Variants in PSD3 observed in about 807,000 individuals in gnomAD.
PSD3 encodes PH and SEC7 domain-containing protein 3.
In PSD3, 49 loss-of-function variants were observed where a neutral mutation model predicts 105.5. That is an observed-to-expected ratio of 0.46 (90% CI 0.37 to 0.59). PSD3 has a LOEUF of 0.59. Among genes scored for constraint, PSD3 ranks in the 20% least tolerant of loss-of-function variants. The pLI, the probability that PSD3 is intolerant of heterozygous loss-of-function variation, is 0.00. For missense variants in PSD3, 1,561 were observed against 1,263.8 expected, an observed-to-expected ratio of 1.24 and a Z score of -3.57; for synonymous variants, 557 against 457.8, an observed-to-expected ratio of 1.22 and a Z score of -2.77.
At position 18,559,235 on chromosome 8, in the gene PSD3, C is replaced by T. The variant is rs1190463473; in HGVS notation, c.2785-2883G>A. Reference sequence around the variant, plus strand: ...TTTTTATCTGTTTACATTTCCACAGCAGGTCTGAAAGTTCTCTTTGTTTTA... The same window carrying T: ...TTTTTATCTGTTTACATTTCCACAGTAGGTCTGAAAGTTCTCTTTGTTTTA... On this transcript the variant is annotated intron_variant, in intron 14 of 15. Transcript: ENST00000327040. Among the ~76,000 whole-genome samples the T allele has an allele frequency of 7.2e-5, 11 of 152,176 alleles. No homozygotes were observed. The East Asian group carries it at 1.9e-3, about 27-fold the overall frequency.
intron 1 of PSD3, among the ~76,000 whole-genome samples, chr8:19,033,512 C>A (rs1827840148): frequency 6.8e-6 from 1 of 148,122 alleles, no homozygotes; most frequent in South Asian, 2.1e-4. Flanking sequence ...TTTAAAACGT[C>A]TCTTCCTTCC....
At chr8:18,667,683 C>G (rs376775225) in intron 9 of PSD3, among the ~76,000 whole-genome samples, 115 of 152,362 alleles carry the variant, frequency 7.5e-4, no homozygotes, top group Middle Eastern at 3.4e-3. Flanking sequence ...TGCCTGCACT[C>G]CTCAGCCCTT....
chr8:18,689,447 T>G (rs1304238482), intron 9 of PSD3, among the ~76,000 whole-genome samples: 1 of 152,040 alleles, frequency 6.6e-6, no homozygotes, highest in Non-Finnish European at 1.5e-5. Context: ...AGGTATGAAC[T>G]CTGGAGAAAA....
At chr8:18,969,790 G>T (rs1282085707) in intron 1 of PSD3, among the ~76,000 whole-genome samples, 1 of 152,054 alleles carries the variant, frequency 6.6e-6, no homozygotes, top group Non-Finnish European at 1.5e-5. Flanking sequence ...GTCACGAGGA[G>T]CAAATATTTA....
In PSD3 at chr8:18,532,535, C is replaced by T. The variant is rs569753113; in HGVS notation, c.*3208G>A. On this transcript the variant is annotated 3_prime_UTR_variant, in exon 16 of 16. Transcript: ENST00000327040. ...GAGGAATAAAAAGGTTACACATAAT[C>T]CAGGGACTACATTTCCATCAGAGGA... The T allele has an allele frequency of 6.6e-6, 1 of 152,204 alleles. No homozygotes were observed. The highest frequency in any genetic ancestry group is 1.5e-5 in the Non-Finnish European group (1 of 68,044). 9.4% of individuals were successfully genotyped at this position (152,204 alleles called of 1,614,324 possible). A position where few individuals can be genotyped will look rare whatever the true frequency, so the allele number is the denominator to read the frequency against.
intron 11 of PSD3, among the ~76,000 whole-genome samples, chr8:18,612,269 T>C (rs1425443612): frequency 1.3e-5 from 2 of 152,288 alleles, no homozygotes; most frequent in Non-Finnish European, 2.9e-5. Context: ...AACTCTAAAA[T>C]TGGATTCTGA....
At chr8:18,964,755 C>G (rs1233252216) in intron 1 of PSD3, among the ~76,000 whole-genome samples, 1 of 152,114 alleles carries the variant, frequency 6.6e-6, no homozygotes, top group Non-Finnish European at 1.5e-5. Flanking sequence ...AGCCAGTGGC[C>G]TCCTTTTTAC....
chr8:18,530,466 G>A lies in PSD3; in HGVS notation c.*5277C>T, dbSNP rs1455765377. 1.3e-5 allele frequency: 2 copies of A among 152,520 alleles called. No homozygotes were observed. Among genetic ancestry groups the A allele is most frequent in the Admixed American group, 6.5e-5 (1 of 15,274 alleles). The allele number at this position is 152,520 out of a possible 1,614,324, so 9.4% of individuals were successfully genotyped here. ...TTCCAAGTCAAGCGAGTACGGATGC[G>A]GCACCACGAGAGTGGTTTGATCTCC... On this transcript the variant is annotated 3_prime_UTR_variant, in exon 16 of 16. Transcript: ENST00000327040.
chr8:18,680,751 A>G (rs771942405), intron 9 of PSD3, among the ~76,000 whole-genome samples: 2 of 152,222 alleles, frequency 1.3e-5, no homozygotes, highest in African/African-American at 2.4e-5. Flanking sequence ...AACATCTATA[A>G]GCTGAATTTT....
intron 1 of PSD3, among the ~76,000 whole-genome samples, chr8:19,048,785 C>A (rs1371991800): frequency 6.6e-6 from 1 of 152,186 alleles, no homozygotes; most frequent in Non-Finnish European, 1.5e-5. Context: ...TTTGGTAGAG[C>A]TCCTTAGGTT....
At chr8:18,587,871 C>G (rs1803308247) in intron 12 of PSD3, among the ~76,000 whole-genome samples, 1 of 152,250 alleles carries the variant, frequency 6.6e-6, no homozygotes, top group Middle Eastern at 3.4e-3. Context: ...ACTGTATAAA[C>G]CCCAAACCAC....
At chr8:18,595,427 G>A (rs554564394) in intron 12 of PSD3, among the ~76,000 whole-genome samples, 3 of 133,058 alleles carry the variant, frequency 2.3e-5, no homozygotes, top group African/African-American at 8.1e-5. Flanking sequence ...CTGGGAGTGT[G>A]GTTGAATGTA....
At chr8:18,721,133 T>A (rs1392961800) in intron 9 of PSD3, 1 of 152,210 alleles carries the variant, frequency 6.6e-6, no homozygotes, top group East Asian at 1.9e-4. Context: ...TAGTGATTCA[T>A]GTCATCGCCA....
intron 11 of PSD3, among the ~76,000 whole-genome samples, chr8:18,614,209 G>C (rs1805482695): frequency 6.6e-6 from 1 of 151,926 alleles, no homozygotes; most frequent in East Asian, 1.9e-4. Flanking sequence ...ACTTTTCTTT[G>C]GGTCAGTTAA....
At position 18,801,313 on chromosome 8, in the gene PSD3, G is replaced by C. The variant is rs138436238; in HGVS notation, c.1980C>G (p.Ser660=). ...QERERVLIHF[S]NRYFYCNPDT... ...CTGGGTTACAATAAAAATATCTATT[G>C]GAGAAGTGTATTAAAACTCTCTCTC... Residue 660 remains serine (S), a synonymous_variant, in exon 7 of 16, where the codon TCC becomes TCG. Transcript: ENST00000327040. The C allele has an allele frequency of 2.2e-5, 36 of 1,606,646 alleles. No homozygotes were observed. The Admixed American group carries it at 6.0e-4, about 27-fold the overall frequency.
At chr8:18,985,500 T>C (rs1021836227) in intron 1 of PSD3, among the ~76,000 whole-genome samples, 2 of 152,236 alleles carry the variant, frequency 1.3e-5, no homozygotes, top group Admixed American at 6.5e-5. Flanking sequence ...AAACATATTT[T>C]GAATGAAAGC....
At chr8:18,993,884 A>G (rs1825932081) in intron 1 of PSD3, among the ~76,000 whole-genome samples, 1 of 152,054 alleles carries the variant, frequency 6.6e-6, no homozygotes, top group South Asian at 2.1e-4. Flanking sequence ...TTATATCAAT[A>G]TAATTTGATT....
At chr8:18,675,240 G>A (rs1800004478) in intron 9 of PSD3, among the ~76,000 whole-genome samples, 1 of 152,132 alleles carries the variant, frequency 6.6e-6, no homozygotes, top group African/African-American at 2.4e-5. Context: ...ATGAGCCACT[G>A]GGGCACCAGG....
intron 9 of PSD3, among the ~76,000 whole-genome samples, chr8:18,658,146 A>G (rs979800015): frequency 6.6e-6 from 1 of 152,254 alleles, no homozygotes; most frequent in African/African-American, 2.4e-5. Flanking sequence ...AACATAGAAT[A>G]GAATTTTTTT....
Sources: gnomAD v4.1 joint callset for allele counts (sites outside exome capture counted in the v4.1 genomes callset) on GRCh38, gnomAD v4.1.1 for gene constraint, MANE v1.5 for transcripts, NCBI Gene and HGNC (gene_info 2026-07-23, HGNC 2026-07-21) for gene names.